Variants in RBFOX1 observed in about 807,000 individuals in gnomAD.
RBFOX1 encodes the protein RNA binding fox-1 homolog 1.
A neutral mutation model predicts 57.7 loss-of-function variants in RBFOX1; 8 were observed. The ratio of observed to expected loss-of-function variants is 0.14; its 90% CI spans 0.08 to 0.25. RBFOX1 has a LOEUF of 0.25. Ranked by LOEUF, RBFOX1 falls within the 10% of genes least tolerant of loss-of-function variation. RBFOX1 has a pLI of 1.00. For missense variants in RBFOX1, 611 were observed against 548.5 expected, an observed-to-expected ratio of 1.11 and a Z score of -1.14; for synonymous variants, 326 against 222.4, an observed-to-expected ratio of 1.47 and a Z score of -4.15.
chr16:5,357,232 C>G (rs945758604), intron 1 of RBFOX1, among the ~76,000 whole-genome samples: 1 of 152,202 alleles, frequency 6.6e-6, no homozygotes, highest in African/African-American at 2.4e-5. Context: ...CATGTTTGTT[C>G]TACTGGGGCA....
chr16:5,605,073 G>T (rs2047521348), downstream of RBFOX1, among the ~76,000 whole-genome samples: 1 of 152,202 alleles, frequency 6.6e-6, no homozygotes, highest in African/African-American at 2.4e-5. Flanking sequence ...ATTGACTCAG[G>T]TTTGACGCCA....
At chr16:6,824,653 G>T (rs1441291806) in intron 3 of RBFOX1, among the ~76,000 whole-genome samples, 1 of 152,018 alleles carries the variant, frequency 6.6e-6, no homozygotes, top group Non-Finnish European at 1.5e-5. Context: ...TATCAAAAGA[G>T]GTTCTTGGAT....
intron 2 of RBFOX1, among the ~76,000 whole-genome samples, chr16:6,577,933 G>A (rs985459802): frequency 4.6e-5 from 7 of 152,188 alleles, no homozygotes; most frequent in Non-Finnish European, 8.8e-5. Context: ...GAGAAGGCTG[G>A]GATTCAGAGA....
intron 4 of RBFOX1, among the ~76,000 whole-genome samples, chr16:7,468,783 C>G (rs1178418721): frequency 6.6e-6 from 1 of 152,102 alleles, no homozygotes; most frequent in Non-Finnish European, 1.5e-5. Context: ...CCTTGTTTCT[C>G]CAAGCATCAA....
At position 5,539,714 on chromosome 16, in the gene RBFOX1, A is replaced by T. The variant is rs544321398; in HGVS notation, c.259-59188A>T. Among the ~76,000 whole-genome samples, 3 of 152,296 alleles carry T rather than the reference A, an allele frequency of 2.0e-5. No homozygotes were observed. In the South Asian group the frequency reaches 6.2e-4, roughly 32 times the overall value. On this transcript the variant is annotated intron_variant, in intron 2 of 2. Transcript: ENST00000585867. The stretch of plus-strand genomic sequence containing the variant: ...TTGTAAGAATTTTTTCCCGTTTTTC[A>T]TCTCCCTCCCCCACACCATTGTGTT...
chr16:5,286,414 G>A (rs975991246), intron 1 of RBFOX1, among the ~76,000 whole-genome samples: 1 of 152,208 alleles, frequency 6.6e-6, no homozygotes, highest in African/African-American at 2.4e-5. Flanking sequence ...CCTCTCAGTA[G>A]TAAGTGTGAG....
chr16:6,888,412 C>G (rs1391172154), intron 3 of RBFOX1, among the ~76,000 whole-genome samples: 1 of 152,092 alleles, frequency 6.6e-6, no homozygotes, highest in Non-Finnish European at 1.5e-5. Context: ...TTACTGATGT[C>G]AACACTTAGA....
At chr16:6,754,845 C>A (rs1037432769) in intron 3 of RBFOX1, among the ~76,000 whole-genome samples, 8 of 151,978 alleles carry the variant, frequency 5.3e-5, no homozygotes, top group Non-Finnish European at 8.8e-5. Context: ...CTAAAGCTAT[C>A]CCTCCCCTCT....
At chr16:7,477,532 C>A (rs867798937) in intron 4 of RBFOX1, among the ~76,000 whole-genome samples, 1 of 152,146 alleles carries the variant, frequency 6.6e-6, no homozygotes, top group African/African-American at 2.4e-5. Context: ...TGGCTGACTC[C>A]CCAAAGAGAA....
intron 1 of RBFOX1, among the ~76,000 whole-genome samples, chr16:5,464,145 G>A (rs183814249): frequency 6.6e-6 from 1 of 152,332 alleles, no homozygotes; most frequent in African/African-American, 2.4e-5. Flanking sequence ...CAGCTGGGGA[G>A]AGAGGAGAGC....
intron 2 of RBFOX1, among the ~76,000 whole-genome samples, chr16:6,449,864 G>A (rs531662859): frequency 8.0e-4 from 122 of 152,304 alleles, no homozygotes; most frequent in Admixed American, 3.6e-3. Context: ...GTGGATATGA[G>A]AGGCAGTATT....
chr16:5,916,727 C>G (rs1597782421), intron 4 of RBFOX1, among the ~76,000 whole-genome samples: 1 of 152,106 alleles, frequency 6.6e-6, no homozygotes, highest in Admixed American at 6.5e-5. Context: ...AGCACCACCC[C>G]CCACACTAAG....
intron 4 of RBFOX1, among the ~76,000 whole-genome samples, chr16:7,195,122 G>A (rs1453361066): frequency 6.6e-6 from 1 of 152,110 alleles, no homozygotes; most frequent in African/African-American, 2.4e-5. Context: ...CCTTAAGTCT[G>A]TCAACTTCAC....
intron 4 of RBFOX1, among the ~76,000 whole-genome samples, chr16:7,079,769 T>A (rs1205970086): frequency 6.6e-6 from 1 of 152,016 alleles, no homozygotes; most frequent in Non-Finnish European, 1.5e-5. Context: ...GGGTGGTGTT[T>A]GTGTGTGTTT....
chr16:7,683,260 A>C (rs992446421), intron 14 of RBFOX1, among the ~76,000 whole-genome samples: 2 of 150,852 alleles, frequency 1.3e-5, no homozygotes, highest in Non-Finnish European at 3.0e-5. Flanking sequence ...ACTGAGAAGT[A>C]ATATGGCTGT....
chr16:7,385,711 G>C (rs2097863360), intron 4 of RBFOX1, among the ~76,000 whole-genome samples: 1 of 152,114 alleles, frequency 6.6e-6, no homozygotes, highest in Non-Finnish European at 1.5e-5. Context: ...AGGTGGGTTT[G>C]TCATGGTGGT....
chr16:7,570,612 G>A (rs1296205722), intron 5 of RBFOX1, among the ~76,000 whole-genome samples: 1 of 152,172 alleles, frequency 6.6e-6, no homozygotes, highest in Non-Finnish European at 1.5e-5. Context: ...TTATTGCAGA[G>A]CTACCTAGCC....
intron 3 of RBFOX1, among the ~76,000 whole-genome samples, chr16:7,005,901 GTGATATAAT>G (rs2093257085): frequency 6.6e-6 from 1 of 152,166 alleles, no homozygotes; most frequent in Admixed American, 6.5e-5. Flanking sequence ...AAGATACCCA[GTGATATAAT>G]TGGTCTTTCT....
intron 4 of RBFOX1, among the ~76,000 whole-genome samples, chr16:7,253,824 T>C (rs1217198962): frequency 6.6e-6 from 1 of 152,170 alleles, no homozygotes; most frequent in African/African-American, 2.4e-5. Context: ...TCTCCAACAC[T>C]GAGTCCAAGG....
Sources: allele counts gnomAD v4.1 joint callset (sites outside exome capture counted in the v4.1 genomes callset), GRCh38; gene constraint gnomAD v4.1.1; transcripts MANE v1.5; gene names NCBI Gene and HGNC (gene_info 2026-07-23, HGNC 2026-07-21).